CAPN3: variants seen among roughly 807,000 people sequenced by gnomAD.
CAPN3 encodes the protein calpain-3.
A neutral mutation model predicts 114.0 loss-of-function variants in CAPN3; 88 were observed. The ratio of observed to expected loss-of-function variants is 0.77; its 90% CI spans 0.65 to 0.92. The LOEUF (loss-of-function observed/expected upper bound fraction) is 0.92. CAPN3 is among the 40% of genes least tolerant of loss of function. The pLI is 0.00. For synonymous variants in CAPN3, 386 were observed against 382.9 expected (o/e 1.01, Z -0.09); for missense variants, 1,028 against 1,069.0 (o/e 0.96, Z 0.53).
chr15:42,360,147 C>A (rs776688758), intron 1 of CAPN3, 33 bp downstream of exon 1: 2 of 1,612,842 alleles, frequency 1.2e-6, no homozygotes, highest in Admixed American at 1.7e-5. Flanking sequence ...GCTGGGTTTT[C>A]CCCCCACGGA....
chr15:42,392,749 A>G, intron 7 of CAPN3, 27 bp downstream of exon 7: 1 of 1,589,844 alleles, frequency 6.3e-7, no homozygotes, highest in South Asian at 1.1e-5. Context: ...TTGGTGGGGC[A>G]AGGGCACCCT....
intron 1 of CAPN3, among the ~76,000 whole-genome samples, chr15:42,360,548 ATTC>A (rs1353467972): frequency 1.3e-5 from 2 of 152,154 alleles, no homozygotes; most frequent in African/African-American, 4.8e-5. Flanking sequence ...TCATGATGTT[ATTC>A]TTCTTTAATT....
At chr15:42,382,430 G>A (rs1242843194) in intron 1 of CAPN3, among the ~76,000 whole-genome samples, 3 of 152,128 alleles carry the variant, frequency 2.0e-5, no homozygotes, top group Admixed American at 2.0e-4. Flanking sequence ...ATGCAGTGGT[G>A]CAATCTTGGC....
chr15:42,387,659 T>C (rs28364409), intron 3 of CAPN3, 94 bp from the exon 4 acceptor site: 1 of 1,458,924 alleles, frequency 6.9e-7, no homozygotes, highest in Non-Finnish European at 9.6e-7. Flanking sequence ...GATGCTGCTT[T>C]GGGATTCAAG....
In CAPN3 at chr15:42,401,753, G is replaced by T; in HGVS notation, c.1467G>T (p.Arg489=). 1 of 1,614,158 alleles carries T rather than the reference G, an allele frequency of 6.2e-7. No homozygotes were observed. The highest frequency in any genetic ancestry group is 8.5e-7 in the Non-Finnish European group (1 of 1,180,026). Residue 489 remains arginine, a synonymous_variant, in exon 11 of 24, where the codon CGG becomes CGT. Coordinates refer to ENST00000397163, the MANE Select transcript of CAPN3 (RefSeq NM_000070.3). The part of the protein sequence containing the change: ...SFLVALMQKN[R]RKDRKLGASL... ...TGGTGGCCCTGATGCAGAAGAACCG[G>T]CGGAAGGACCGGAAGCTAGGGGCCA...
Position 42,359,737 on chromosome 15 carries a change from G to C in CAPN3, c.-69G>C, listed in dbSNP as rs993928707. On this transcript the variant is annotated 5_prime_UTR_variant, in exon 1 of 24. Coordinates refer to ENST00000397163, the MANE Select transcript of CAPN3 (RefSeq NM_000070.3). ...TTACTCCAACTTCCCCTTTGCAGTT[G>C]CTTCCTTTCCTTGAAGGTAGCTGTA... The C allele has an allele frequency of 6.2e-7, 1 of 1,607,540 alleles. No individual in the cohort carries two copies. The highest frequency in any genetic ancestry group is 8.5e-7 in the Non-Finnish European group (1 of 1,178,568).
chr15:42,360,315 A>C (rs1390982810), intron 1 of CAPN3, among the ~76,000 whole-genome samples: 1 of 151,612 alleles, frequency 6.6e-6, no homozygotes, highest in East Asian at 1.9e-4. Flanking sequence ...CAAAATCCAG[A>C]GGGAGAGCGC....
chr15:42,392,410 T>C (rs1022430902), intron 6 of CAPN3, among the ~76,000 whole-genome samples: 2 of 152,128 alleles, frequency 1.3e-5, no homozygotes, highest in Non-Finnish European at 2.9e-5. Flanking sequence ...TGCTCTCTGA[T>C]GGTCAGGACA....
chr15:42,404,282 C>T (rs2053959699), intron 14 of CAPN3: 18 of 456,386 alleles, frequency 3.9e-5, no homozygotes, highest in South Asian at 2.8e-4. Flanking sequence ...TTTTGTGAGG[C>T]TTCATCAATG....
intron 15 of CAPN3, among the ~76,000 whole-genome samples, chr15:42,407,133 A>G (rs1259419906): frequency 3.9e-5 from 6 of 152,160 alleles, no homozygotes; most frequent in African/African-American, 1.4e-4. Context: ...GGCACCATGC[A>G]GCAGCCGCTC....
At chr15:42,381,774 G>A (rs1173760073) in intron 1 of CAPN3, among the ~76,000 whole-genome samples, 1 of 152,096 alleles carries the variant, frequency 6.6e-6, no homozygotes, top group Non-Finnish European at 1.5e-5. Context: ...TCCTGGCCTC[G>A]TGATCCGCCC....
At chr15:42,399,783 A>G in intron 10 of CAPN3, 131 bp downstream of exon 10, 2 of 807,250 alleles carry the variant, frequency 2.5e-6, no homozygotes, top group Non-Finnish European at 3.8e-6. Context: ...TGTTTTACTG[A>G]GAAGGAAACC....
Position 42,411,787 on chromosome 15 carries a change from C to T in CAPN3, c.*14C>T. ...ATGTATGCCTGAACCAGGCTGGCCT[C>T]ATCCAAAGCCATGCAGGATCACTCA... On this transcript the variant is annotated 3_prime_UTR_variant, in exon 24 of 24. Coordinates refer to ENST00000397163, the MANE Select transcript of CAPN3 (RefSeq NM_000070.3). 2.5e-6 allele frequency: 4 copies of T among 1,611,708 alleles called. No homozygotes were observed. Among genetic ancestry groups the T allele is most frequent in the Non-Finnish European group, 3.4e-6 (4 of 1,178,884 alleles).
chr15:42,401,578 C>A, intron 10 of CAPN3, 63 bp from the exon 11 acceptor site: 1 of 1,440,650 alleles, frequency 6.9e-7, no homozygotes. Flanking sequence ...CTCCCTCTGT[C>A]TCATCCCCTT....
chr15:42,397,625 C>G (rs1430697431), intron 9 of CAPN3, among the ~76,000 whole-genome samples: 8 of 145,388 alleles, frequency 5.5e-5, no homozygotes, highest in Admixed American at 1.4e-4. Flanking sequence ...GCCTGGGCGA[C>G]AAGAGAGACT....
chr15:42,398,224 C>T (rs2053756874), intron 9 of CAPN3, among the ~76,000 whole-genome samples: 1 of 151,778 alleles, frequency 6.6e-6, no homozygotes, highest in South Asian at 2.1e-4. Flanking sequence ...ATTGAGATAC[C>T]ATCATCTCAA....
chr15:42,374,794 C>CTTTTTT (rs66487749), intron 1 of CAPN3, among the ~76,000 whole-genome samples: 12 of 85,452 alleles, frequency 1.4e-4, no homozygotes, highest in East Asian at 3.5e-4. Context: ...TATCATGTCT[C>CTTTTTT]TTTTTTTTTT....
At chr15:42,394,140 C>A in intron 7 of CAPN3, 116 bp from the exon 8 acceptor site, 1 of 948,074 alleles carries the variant, frequency 1.1e-6, no homozygotes, top group Non-Finnish European at 1.7e-6. Flanking sequence ...CAGAGCCAGG[C>A]AGAACACCCT....
chr15:42,380,751 A>ATATATATTTTTTTTTT (rs1436943739), intron 1 of CAPN3, among the ~76,000 whole-genome samples: 2 of 64,482 alleles, frequency 3.1e-5, no homozygotes, highest in African/African-American at 1.8e-4. Flanking sequence ...ATATATATAT[A>ATATATATTTTTTTTTT]TTTTTTTTTT....
Sources: allele counts gnomAD v4.1 joint callset (sites outside exome capture counted in the v4.1 genomes callset), GRCh38; gene constraint gnomAD v4.1.1; transcripts MANE v1.5; gene names NCBI Gene and HGNC (gene_info 2026-07-23, HGNC 2026-07-21).